Variants in CACNG1 observed in about 807,000 individuals in gnomAD.
The protein encoded by CACNG1 is calcium voltage-gated channel auxiliary subunit gamma 1, also known as voltage-dependent calcium channel gamma-1 subunit.
CACNG1 carries 21 observed loss-of-function variants against 22.0 expected under a neutral mutation model. The ratio of observed to expected loss-of-function variants is 0.95; its 90% CI spans 0.68 to 1.37. The LOEUF is 1.37. Ranked by LOEUF, CACNG1 falls within the 40% of genes most tolerant of loss-of-function variation. The probability of loss-of-function intolerance (pLI) is 0.00; values close to 1 mark genes in which losing one functional copy is unlikely to be tolerated. For missense variants in CACNG1, 291 were observed against 308.6 expected (o/e 0.94, Z 0.43); for synonymous variants, 127 against 129.2 (o/e 0.98, Z 0.12).
intron 1 of CACNG1, among the ~76,000 whole-genome samples, chr17:67,052,164 C>T (rs933455692): frequency 3.3e-5 from 5 of 152,100 alleles, no homozygotes; most frequent in East Asian, 1.9e-4. Context: ...AAAATAGCAC[C>T]GGATGCCCAG....
At chr17:67,052,414 T>C (rs1226869455) in intron 1 of CACNG1, among the ~76,000 whole-genome samples, 1 of 152,094 alleles carries the variant, frequency 6.6e-6, no homozygotes, top group African/African-American at 2.4e-5. Flanking sequence ...ACCACAGGCT[T>C]AAGGTGCAAG....
rs2035758794 is a variant in CACNG1 at position 67,055,978 on chromosome 17, C to T, written c.443-67C>T. ...TCACCGCCTCCTCCATGCACACAGGCTGGGATGGGGCTGGTGGCTACGGCA... is the reference window on the plus strand; with the variant it reads ...TCACCGCCTCCTCCATGCACACAGGTTGGGATGGGGCTGGTGGCTACGGCA... On this transcript the variant is annotated intron_variant, in intron 3 of 3. Coordinates refer to ENST00000226021, the MANE Select transcript of CACNG1 (RefSeq NM_000727.4). This position sits in a 1 kb window ranked among gnomAD's most constrained non-coding sequence, Gnocchi z 4.5. 7.5e-7 allele frequency: 1 copy of T among 1,342,264 alleles called. No individual in the cohort carries two copies. The highest frequency in any genetic ancestry group is 1.1e-6 in the Non-Finnish European group (1 of 952,204). 83.1% of individuals were successfully genotyped at this position (1,342,264 alleles called of 1,614,324 possible).
chr17:67,045,547 T>TTTTTA (rs2035692024), intron 1 of CACNG1, among the ~76,000 whole-genome samples: 2 of 143,740 alleles, frequency 1.4e-5, no homozygotes, highest in African/African-American at 5.1e-5. Flanking sequence ...TTTTTTTTTT[T>TTTTTA]GAGACAACTT....
chr17:67,053,326 C>G (rs1415524913), intron 1 of CACNG1, among the ~76,000 whole-genome samples: 1 of 152,270 alleles, frequency 6.6e-6, no homozygotes, highest in Non-Finnish European at 1.5e-5. Context: ...GGCTGCACAT[C>G]AGGCTCTCCC....
Position 67,044,732 on chromosome 17 carries a change from G to T in CACNG1, c.72G>T (p.Met24Ile). ...FCILAGIVLA[M>I]TAVVTDHWAV... ...TCCTGGCAGGCATCGTGCTGGCCAT[G>T]ACAGCCGTGGTAACCGACCACTGGG... Residue 24 changes from methionine (M) to isoleucine (I), a missense_variant, in exon 1 of 4, where the codon ATG becomes ATT. Transcript: ENST00000226021. This position sits in a 1 kb window ranked among gnomAD's most constrained non-coding sequence, Gnocchi z 6.9. 1 of 1,612,658 alleles carries T rather than the reference G, an allele frequency of 6.2e-7. No individual in the cohort carries two copies. Among genetic ancestry groups the T allele is most frequent in the South Asian group, 1.1e-5 (1 of 91,078 alleles).
rs2035755481 is a variant in CACNG1, at chr17:67,055,352, T to C, written c.442+112T>C. ...TTTGGGTGAGGGGCATTTCCCAGGC[T>C]CCATCCCCATCCAGGGGCAAACCTG... On this transcript the variant is annotated intron_variant, in intron 3 of 3. Coordinates refer to ENST00000226021, the MANE Select transcript of CACNG1 (RefSeq NM_000727.4). The surrounding 1 kb of genome is among the most constrained non-coding windows in gnomAD (Gnocchi z 4.5). 1 of 1,280,948 alleles carries C rather than the reference T, an allele frequency of 7.8e-7. No homozygotes were observed. Among genetic ancestry groups the C allele is most frequent in the Admixed American group, 2.3e-5 (1 of 43,094 alleles). 79.3% of individuals were successfully genotyped at this position (1,280,948 alleles called of 1,614,324 possible).
intron 1 of CACNG1, among the ~76,000 whole-genome samples, chr17:67,052,676 A>G (rs1567766749): frequency 6.6e-6 from 1 of 152,236 alleles, no homozygotes; most frequent in South Asian, 2.1e-4. Flanking sequence ...AAAGCAAACT[A>G]ATTTAGTTTT....
rs753732568 is a variant in CACNG1 at position 67,054,591 on chromosome 17, G to A, written c.305-512G>A. Among the ~76,000 whole-genome samples, 5 of 152,064 alleles carry A rather than the reference G, an allele frequency of 3.3e-5. No homozygotes were observed. Among genetic ancestry groups the A allele is most frequent in the African/African-American group, 4.8e-5 (2 of 41,392 alleles). ...GCCCAGACAGCTGCACACAGGGTGAGTGGGCAGACACACAGACACACACTG... is the reference window on the plus strand; with the variant it reads ...GCCCAGACAGCTGCACACAGGGTGAATGGGCAGACACACAGACACACACTG... On this transcript the variant is annotated intron_variant, in intron 2 of 3. Coordinates refer to ENST00000226021, the MANE Select transcript of CACNG1 (RefSeq NM_000727.4). The surrounding 1 kb of genome is among the most constrained non-coding windows in gnomAD (Gnocchi z 4.6).
chr17:67,048,920 G>A (rs186055667), intron 1 of CACNG1, among the ~76,000 whole-genome samples: 80 of 152,228 alleles, frequency 5.3e-4, no homozygotes, highest in African/African-American at 1.5e-3. Flanking sequence ...CGAGAGCCTC[G>A]GAGACTTATG....
rs754022875 is a variant in CACNG1, at chr17:67,056,278, T to C, written c.*7T>C. The C allele has an allele frequency of 6.2e-7, 1 of 1,612,712 alleles. No homozygotes were observed. The highest frequency in any genetic ancestry group is 1.1e-5 in the South Asian group (1 of 91,040). Reference sequence around the variant, plus strand: ...TGCTGAGCCCGAGCACTAACCCTCCTGCGGCCCTAGCGACCCTCAGGCTTC... The same window carrying C: ...TGCTGAGCCCGAGCACTAACCCTCCCGCGGCCCTAGCGACCCTCAGGCTTC... On this transcript the variant is annotated 3_prime_UTR_variant, in exon 4 of 4. Coordinates refer to ENST00000226021, the MANE Select transcript of CACNG1 (RefSeq NM_000727.4). This position sits in a 1 kb window ranked among gnomAD's most constrained non-coding sequence, Gnocchi z 4.3.
rs2035752670 is a variant in CACNG1, at chr17:67,055,054, A to G, written c.305-49A>G. ...GGTGTGGTCCCTAACGAGCCATGAC[A>G]AGAGCTCCCATGCTGAGGCCGCATG... On this transcript the variant is annotated intron_variant, in intron 2 of 3. Transcript: ENST00000226021. This position sits in a 1 kb window ranked among gnomAD's most constrained non-coding sequence, Gnocchi z 4.5. The G allele has an allele frequency of 1.9e-6, 3 of 1,582,920 alleles. No individual in the cohort carries two copies. The highest frequency in any genetic ancestry group is 2.6e-6 in the Non-Finnish European group (3 of 1,160,132).
At chr17:67,050,508 C>A (rs1342884616) in intron 1 of CACNG1, among the ~76,000 whole-genome samples, 2 of 152,236 alleles carry the variant, frequency 1.3e-5, no homozygotes, top group Non-Finnish European at 2.9e-5. Context: ...CCTTGCACCC[C>A]TAAAGTACCA....
rs2035759317 is a variant in CACNG1 at position 67,056,051 on chromosome 17, G to A, written c.449G>A (p.Cys150Tyr). 9 of 1,610,180 alleles carry A rather than the reference G, an allele frequency of 5.6e-6. No homozygotes were observed. The highest frequency in any genetic ancestry group is 1.7e-5 in the Admixed American group (1 of 59,992). ...TGCCTGGCTCTGCCCCCAGGTCTCT[G>A]CATCCTCGTCTCGGTGGAGGTCATG... ...ASMFYAFAGL[C>Y]ILVSVEVMRQ... Residue 150 changes from cysteine to tyrosine, a missense_variant, in exon 4 of 4, where the codon TGC becomes TAC. Coordinates refer to ENST00000226021, the MANE Select transcript of CACNG1 (RefSeq NM_000727.4). This position sits in a 1 kb window ranked among gnomAD's most constrained non-coding sequence, Gnocchi z 4.3.
rs2035703785 is a variant in CACNG1 at position 67,047,463 on chromosome 17, C to T, written c.229+2574C>T. ...CTTGCAAACCAACATTCCGTAATCA[C>T]AGTGAAAATCAGCATCCCAGTAGCC... On this transcript the variant is annotated intron_variant, in intron 1 of 3. Coordinates refer to ENST00000226021, the MANE Select transcript of CACNG1 (RefSeq NM_000727.4). Among the ~76,000 whole-genome samples, 3 of 152,270 alleles carry T rather than the reference C, an allele frequency of 2.0e-5. No individual in the cohort carries two copies. In the East Asian group the frequency reaches 5.8e-4, roughly 29 times the overall value.
intron 1 of CACNG1, among the ~76,000 whole-genome samples, chr17:67,046,218 C>T (rs1480280674): frequency 1.3e-5 from 2 of 152,212 alleles, no homozygotes; most frequent in African/African-American, 4.8e-5. Flanking sequence ...AGATCCCTTC[C>T]TCGGCTTACA....
At chr17:67,050,118 T>C (rs1197154097) in intron 1 of CACNG1, among the ~76,000 whole-genome samples, 1 of 152,266 alleles carries the variant, frequency 6.6e-6, no homozygotes, top group Non-Finnish European at 1.5e-5. Context: ...TCTGCCTCTT[T>C]AGGGCAAGGA....
In CACNG1 at chr17:67,044,927, G is replaced by T. The variant is rs2035687313; in HGVS notation, c.229+38G>T. On this transcript the variant is annotated intron_variant, in intron 1 of 3. Coordinates refer to ENST00000226021, the MANE Select transcript of CACNG1 (RefSeq NM_000727.4). This position sits in a 1 kb window ranked among gnomAD's most constrained non-coding sequence, Gnocchi z 6.9. ...CCCTCCGTCCCGATCCCCACCTCCT[G>T]CTCTTCCCCGTCATCCCCCTGGCAA... The T allele has an allele frequency of 6.6e-7, 1 of 1,524,576 alleles. No individual in the cohort carries two copies. Among genetic ancestry groups the T allele is most frequent in the East Asian group, 2.3e-5 (1 of 43,080 alleles). The allele number at this position is 1,524,576 out of a possible 1,614,324, so 94.4% of individuals were successfully genotyped here. A position where few individuals can be genotyped will look rare whatever the true frequency, so the allele number is the denominator to read the frequency against.
chr17:67,056,455 A>G lies in CACNG1; in HGVS notation c.*184A>G. 2 of 608,550 alleles carry G rather than the reference A, an allele frequency of 3.3e-6. No homozygotes were observed. The highest frequency in any genetic ancestry group is 5.8e-6 in the Non-Finnish European group (2 of 344,644). 37.7% of individuals were successfully genotyped at this position (608,550 alleles called of 1,614,324 possible). A position where few individuals can be genotyped will look rare whatever the true frequency, so the allele number is the denominator to read the frequency against. On this transcript the variant is annotated 3_prime_UTR_variant, in exon 4 of 4. Coordinates refer to ENST00000226021, the MANE Select transcript of CACNG1 (RefSeq NM_000727.4). This position sits in a 1 kb window ranked among gnomAD's most constrained non-coding sequence, Gnocchi z 4.3. ...TGGGCTGCCGCAGGCTCCCCTGGGA[A>G]TAGAGCAAGACGTGAGTCCTAACCT...
At chr17:67,050,426 G>A (rs1365292602) in intron 1 of CACNG1, among the ~76,000 whole-genome samples, 1 of 152,258 alleles carries the variant, frequency 6.6e-6, no homozygotes, top group Admixed American at 6.5e-5. Context: ...AGAAACCACT[G>A]TTGGGAGCTG....
Sources: allele counts gnomAD v4.1 joint callset (sites outside exome capture counted in the v4.1 genomes callset), GRCh38; gene constraint gnomAD v4.1.1; non-coding constraint Gnocchi (gnomAD v3.1); transcripts MANE v1.5; gene names NCBI Gene and HGNC (gene_info 2026-07-23, HGNC 2026-07-21).